The following PARD3B variants were observed in gnomAD, a reference collection of about 807,000 sequenced individuals.
PARD3B encodes the protein par-3 family cell polarity regulator beta.
In PARD3B, 103 loss-of-function variants were observed where a neutral mutation model predicts 130.2. The observed-to-expected ratio is 0.79, with a 90% CI of 0.67 to 0.93. PARD3B has a LOEUF of 0.93. PARD3B is among the 40% of genes least tolerant of loss of function. The probability of loss-of-function intolerance (pLI) is 0.00; values close to 1 mark genes in which losing one functional copy is unlikely to be tolerated. For synonymous variants in PARD3B, 583 were observed against 553.2 expected (o/e 1.05, Z -0.76); for missense variants, 1,609 against 1,499.2 (o/e 1.07, Z -1.21).
intron 3 of PARD3B, among the ~76,000 whole-genome samples, chr2:204,996,409 G>C (rs1435722185): frequency 6.6e-6 from 1 of 152,162 alleles, no homozygotes; most frequent in Non-Finnish European, 1.5e-5. Context: ...CAGGGGTCAG[G>C]GACCCACTTG....
intron 3 of PARD3B, among the ~76,000 whole-genome samples, chr2:204,990,352 AT>A (rs1161195586): frequency 6.6e-6 from 1 of 151,952 alleles, no homozygotes; most frequent in Admixed American, 6.6e-5. Flanking sequence ...TCACTTCAGG[AT>A]TATTAGCGTA....
At chr2:205,571,291 A>G (rs1163591070) in intron 22 of PARD3B, among the ~76,000 whole-genome samples, 1 of 152,228 alleles carries the variant, frequency 6.6e-6, no homozygotes, top group Non-Finnish European at 1.5e-5. Context: ...GGTTACATAA[A>G]ACATCCTCTG....
intron 1 of PARD3B, among the ~76,000 whole-genome samples, chr2:204,575,509 C>G (rs1363861389): frequency 6.6e-6 from 1 of 152,226 alleles, no homozygotes; most frequent in Admixed American, 6.5e-5. Context: ...TCGTTTTCCT[C>G]TTCCATTCGT....
chr2:205,503,446 CT>C (rs1026812906), intron 21 of PARD3B, among the ~76,000 whole-genome samples: 4 of 151,374 alleles, frequency 2.6e-5, no homozygotes, highest in African/African-American at 9.7e-5. Flanking sequence ...TTTTTTTCCC[CT>C]TTTGCAAAAG....
At chr2:205,126,275 C>T (rs1179072018) in intron 10 of PARD3B, among the ~76,000 whole-genome samples, 1 of 152,044 alleles carries the variant, frequency 6.6e-6, no homozygotes, top group African/African-American at 2.4e-5. Context: ...TACCCTTAGA[C>T]CTAGTAACTA....
Position 205,397,485 on chromosome 2 carries a change from TG to T in PARD3B, c.2631-3527del, listed in dbSNP as rs2046074766. Among the ~76,000 whole-genome samples the T allele has an allele frequency of 6.6e-6, 1 of 152,216 alleles. No individual in the cohort carries two copies. The highest frequency in any genetic ancestry group is 1.5e-5 in the Non-Finnish European group (1 of 68,044). ...GAAGGATAATGAGCTATTGCTGAAC[TG>T]CAGTACAAGTCAAACATTTTAGCTA... On this transcript the variant is annotated intron_variant, in intron 18 of 22. Transcript: ENST00000406610. This position sits in a 1 kb window ranked among gnomAD's most constrained non-coding sequence, Gnocchi z 4.8.
At chr2:205,577,032 T>C (rs973154374) in intron 22 of PARD3B, among the ~76,000 whole-genome samples, 1 of 152,224 alleles carries the variant, frequency 6.6e-6, no homozygotes, top group Non-Finnish European at 1.5e-5. Flanking sequence ...TACCTAAGTA[T>C]TTCATTTTTG....
intron 2 of PARD3B, among the ~76,000 whole-genome samples, chr2:204,846,841 G>A (rs1388525499): frequency 6.6e-6 from 1 of 151,894 alleles, no homozygotes; most frequent in African/African-American, 2.4e-5. Context: ...CCTGTAATGT[G>A]TTCAGTTCCC....
At chr2:204,981,418 A>C (rs1481579007) in intron 3 of PARD3B, among the ~76,000 whole-genome samples, 1 of 152,176 alleles carries the variant, frequency 6.6e-6, no homozygotes, top group South Asian at 2.1e-4. Context: ...AGCAAGAAAA[A>C]CCCTTAGAAT....
intron 15 of PARD3B, among the ~76,000 whole-genome samples, chr2:205,202,484 AG>A (rs2037049711): frequency 6.6e-6 from 1 of 152,216 alleles, no homozygotes; most frequent in Admixed American, 6.5e-5. Flanking sequence ...TCTTTTGTGT[AG>A]GAATTGTACT....
intron 18 of PARD3B, among the ~76,000 whole-genome samples, chr2:205,313,706 A>G (rs552068327): frequency 4.6e-5 from 7 of 152,342 alleles, no homozygotes; most frequent in Admixed American, 1.3e-4. Flanking sequence ...CTGAAGAAGG[A>G]TAGACCCCTT....
chr2:205,191,423 C>T (rs1376822120), intron 14 of PARD3B, among the ~76,000 whole-genome samples: 1 of 152,144 alleles, frequency 6.6e-6, no homozygotes, highest in African/African-American at 2.4e-5. Flanking sequence ...AACCACATCA[C>T]CCTTCTAAAT....
chr2:204,629,130 G>A (rs2034589728), intron 1 of PARD3B, among the ~76,000 whole-genome samples: 1 of 152,006 alleles, frequency 6.6e-6, no homozygotes. Context: ...GCTTTCACAG[G>A]GGAACAAAAG....
chr2:204,595,617 C>T (rs1242681264), intron 1 of PARD3B, among the ~76,000 whole-genome samples: 1 of 152,174 alleles, frequency 6.6e-6, no homozygotes, highest in Non-Finnish European at 1.5e-5. Context: ...AGAAGTGGGA[C>T]ATTTCTGTAT....
At chr2:204,869,364 C>G (rs17619986) in intron 2 of PARD3B, among the ~76,000 whole-genome samples, 6,503 of 152,176 alleles carry the variant, frequency 0.043, 190 homozygotes, top group Non-Finnish European at 0.064. Flanking sequence ...ACGAGTGATT[C>G]ATAATCAAAC....
chr2:204,736,205 T>G (rs1040990536), intron 2 of PARD3B, among the ~76,000 whole-genome samples: 1 of 152,124 alleles, frequency 6.6e-6, no homozygotes, highest in South Asian at 2.1e-4. Context: ...AACTGATTTT[T>G]AAATTTAGAT....
chr2:204,560,940 C>T (rs1476991892), intron 1 of PARD3B, among the ~76,000 whole-genome samples: 2 of 151,988 alleles, frequency 1.3e-5, no homozygotes, highest in East Asian at 3.9e-4. Flanking sequence ...TGGGGGTTGA[C>T]TCTCAGTGGG....
intron 15 of PARD3B, among the ~76,000 whole-genome samples, chr2:205,238,862 A>ATATATATG (rs2039203758): frequency 1.0e-5 from 1 of 98,804 alleles, no homozygotes; most frequent in East Asian, 4.5e-4. Flanking sequence ...ATATATATAT[A>ATATATATG]TATATATATA....
chr2:204,964,730 G>A (rs963910854), intron 2 of PARD3B, among the ~76,000 whole-genome samples: 18 of 152,126 alleles, frequency 1.2e-4, no homozygotes, highest in African/African-American at 3.4e-4. Flanking sequence ...AGGTCTCCGA[G>A]ACTGGAATAA....
Sources: allele counts gnomAD v4.1 joint callset (sites outside exome capture counted in the v4.1 genomes callset), GRCh38; gene constraint gnomAD v4.1.1; non-coding constraint Gnocchi (gnomAD v3.1); transcripts MANE v1.5; gene names NCBI Gene and HGNC (gene_info 2026-07-23, HGNC 2026-07-21).